Variants in SPEN observed in about 807,000 individuals in gnomAD.
The protein encoded by SPEN is msx2-interacting protein.
In SPEN, 18 loss-of-function variants were observed where a neutral mutation model predicts 269.9. The ratio of observed to expected loss-of-function variants is 0.07; its 90% CI spans 0.05 to 0.10. SPEN has a LOEUF of 0.10. SPEN is among the 10% of genes least tolerant of loss of function. The pLI is 1.00. For synonymous variants in SPEN, 1,726 were observed against 1,765.7 expected, an observed-to-expected ratio of 0.98 and a Z score of 0.56; for missense variants, 3,822 against 4,631.2, an observed-to-expected ratio of 0.83 and a Z score of 5.07.
At chr1:15,916,844 A>G (rs1557754348) in intron 6 of SPEN, among the ~76,000 whole-genome samples, 1 of 152,242 alleles carries the variant, frequency 6.6e-6, no homozygotes, top group Non-Finnish European at 1.5e-5. Flanking sequence ...ATGAAGCAGC[A>G]GGCTGAGCAT....
rs1557760229 is a variant in SPEN, at chr1:15,931,986, AAC to A, written c.5747_5748del (p.Asn1916ThrfsTer9). On this transcript the variant is annotated frameshift_variant, in exon 11 of 15. Coordinates refer to ENST00000375759, the MANE Select transcript of SPEN (RefSeq NM_015001.3). LOFTEE classifies it high-confidence loss of function. This position sits in a 1 kb window ranked among gnomAD's most constrained non-coding sequence, Gnocchi z 4.8. ...CTATGCAACCATGGGTGACCATGAA[AAC>A]CGCTCTCCTGTCAAAGAGCCCGTTG... ...SVYATMGDHE[N>X]RSPVKEPVEQ... 1 of 1,614,222 alleles carries A rather than the reference AAC, an allele frequency of 6.2e-7. No individual in the cohort carries two copies. Among genetic ancestry groups the A allele is most frequent in the Non-Finnish European group, 8.5e-7 (1 of 1,180,040 alleles).
chr1:15,894,063 G>T (rs2070815219), intron 3 of SPEN, among the ~76,000 whole-genome samples: 1 of 152,160 alleles, frequency 6.6e-6, no homozygotes, highest in South Asian at 2.1e-4. Flanking sequence ...TATGGGTTTG[G>T]TAAGGCTACA....
intron 4 of SPEN, among the ~76,000 whole-genome samples, chr1:15,909,817 AT>A (rs1055558511): frequency 2.6e-5 from 4 of 152,126 alleles, no homozygotes; most frequent in Non-Finnish European, 5.9e-5. Flanking sequence ...TATTTCAGTG[AT>A]TGCTTAAATT....
chr1:15,912,790 C>A (rs903833744), intron 5 of SPEN, among the ~76,000 whole-genome samples: 1 of 152,158 alleles, frequency 6.6e-6, no homozygotes, highest in Non-Finnish European at 1.5e-5. Context: ...CAGGTCAGAA[C>A]GGCTTGAGAA....
Position 15,936,131 on chromosome 1 carries a change from C to T in SPEN, c.9891C>T (p.His3297=), listed in dbSNP as rs763927580. 2 of 1,611,710 alleles carry T rather than the reference C, an allele frequency of 1.2e-6. No individual in the cohort carries two copies. Among genetic ancestry groups the T allele is most frequent in the Non-Finnish European group, 1.7e-6 (2 of 1,178,250 alleles). ...TGACCCATGGGGTGCAGATTGTGCA[C>T]TCCAGCGGGGAGCTGTTTCAAGAGT... ...VVVTHGVQIV[H]SSGELFQEYR... is the part of the protein sequence containing the mutation. Residue 3297 remains histidine, a synonymous_variant, in exon 11 of 15, where the codon CAC becomes CAT. Coordinates refer to ENST00000375759, the MANE Select transcript of SPEN (RefSeq NM_015001.3).
At chr1:15,888,619 C>A (rs747278195) in intron 3 of SPEN, among the ~76,000 whole-genome samples, 2 of 151,722 alleles carry the variant, frequency 1.3e-5, no homozygotes, top group Non-Finnish European at 2.9e-5. Flanking sequence ...CTACCACACC[C>A]AGCCAAAGTA....
chr1:15,871,086 A>C (rs56062384), intron 1 of SPEN, among the ~76,000 whole-genome samples: 10,387 of 152,138 alleles, frequency 0.068, 416 homozygotes, highest in African/African-American at 0.075. Context: ...CTCCTGCCTC[A>C]GCCTCCTGAG....
At chr1:15,859,901 A>G (rs1026803696) in intron 1 of SPEN, among the ~76,000 whole-genome samples, 1 of 101,512 alleles carries the variant, frequency 9.9e-6, no homozygotes, top group Non-Finnish European at 1.9e-5. Context: ...TGATCAGTTA[A>G]CATCTTTTTT....
chr1:15,871,219 C>T (rs2070569669), intron 1 of SPEN, among the ~76,000 whole-genome samples: 1 of 152,162 alleles, frequency 6.6e-6, no homozygotes, highest in Non-Finnish European at 1.5e-5. Context: ...CTGCCTGCCT[C>T]AGCCTCCCAA....
rs545244146 is a variant in SPEN at position 15,935,171 on chromosome 1, C to T, written c.8931C>T (p.Asn2977=). 1.1e-5 allele frequency: 17 copies of T among 1,614,042 alleles called. No individual in the cohort carries two copies. The Admixed American group carries it at 1.8e-4, about 17-fold the overall frequency. ...AGACCAAGGTCCTTCAGCCGGCCAA[C>T]CTGGGGTCCACGCTCACGCCCCACC... The part of the protein sequence containing the change: ...KIETKVLQPA[N]LGSTLTPHHP... The change falls in exon 11 of 15, where the codon AAC becomes AAT. Residue 2977 remains asparagine (N), a synonymous_variant. Transcript: ENST00000375759. The surrounding 1 kb of genome is among the most constrained non-coding windows in gnomAD (Gnocchi z 7.7).
rs1299645944 is a variant in SPEN, at chr1:15,929,694, T to G, written c.3454T>G (p.Ser1152Ala). The G allele has an allele frequency of 6.2e-7, 1 of 1,614,000 alleles. No homozygotes were observed. Among genetic ancestry groups the G allele is most frequent in the Admixed American group, 1.7e-5 (1 of 60,012 alleles). The change falls in exon 11 of 15, where the codon TCA (serine) becomes GCA (alanine). Residue 1152 changes from serine to alanine, a missense_variant. Around this residue, in one of 16 missense-constraint regions of SPEN, gnomAD observed 572 missense variants for 582.6 expected, o/e 0.98. Transcript: ENST00000375759. The surrounding 1 kb of genome is among the most constrained non-coding windows in gnomAD (Gnocchi z 5.8). ...ERKSGQEKSHSVNTEEKIGID... is the reference protein window; with the variant it reads ...ERKSGQEKSHAVNTEEKIGID... ...TAAATCAGGCCAAGAGAAATCACAT[T>G]CAGTAAATACTGAAGAAAAAATTGG...
chr1:15,885,195 C>T (rs1054597793), intron 3 of SPEN, among the ~76,000 whole-genome samples: 2 of 151,914 alleles, frequency 1.3e-5, no homozygotes, highest in African/African-American at 4.8e-5. Context: ...TGTTTTGTAG[C>T]TTTGTGATTC....
chr1:15,895,022 A>G (rs535451479), intron 3 of SPEN, among the ~76,000 whole-genome samples: 5 of 152,218 alleles, frequency 3.3e-5, no homozygotes, highest in Non-Finnish European at 2.9e-5. Context: ...TCCCGGGTTC[A>G]AGCAATTCTC....
chr1:15,911,081 G>A lies in SPEN; in HGVS notation c.1043-20G>A. ...ATTAAATTAGAAGAATTAATAACTT[G>A]GTTTTTTTTGGGAATTTAGATACAA... On this transcript the variant is annotated intron_variant, in intron 4 of 14. Coordinates refer to ENST00000375759, the MANE Select transcript of SPEN (RefSeq NM_015001.3). 6.4e-7 allele frequency: 1 copy of A among 1,569,526 alleles called. No homozygotes were observed. The highest frequency in any genetic ancestry group is 1.4e-5 in the African/African-American group (1 of 71,902).
intron 1 of SPEN, among the ~76,000 whole-genome samples, chr1:15,861,510 TA>T (rs2070448610): frequency 6.6e-6 from 1 of 152,170 alleles, no homozygotes. Context: ...CCCATAGTTT[TA>T]AAAAATTATT....
At chr1:15,869,669 C>T (rs1002413104) in intron 1 of SPEN, among the ~76,000 whole-genome samples, 67 of 151,652 alleles carry the variant, frequency 4.4e-4, no homozygotes, top group African/African-American at 1.6e-3. Flanking sequence ...ATGGCCATGA[C>T]TCACTCATGG....
rs1336892794 is a variant in SPEN, at chr1:15,887,857, C to T, written c.881+11179C>T. On this transcript the variant is annotated intron_variant, in intron 3 of 14. Coordinates refer to ENST00000375759, the MANE Select transcript of SPEN (RefSeq NM_015001.3). ...GCCAACATGGTGAAACCAGTCTCTA[C>T]GAAAAAAATACAAAAATTAACTGGG... Among the ~76,000 whole-genome samples the T allele has an allele frequency of 4.0e-5, 6 of 150,246 alleles. No individual in the cohort carries two copies. The South Asian group carries it at 6.4e-4, about 16-fold the overall frequency.
Position 15,935,999 on chromosome 1 carries a change from T to TGTCCCC in SPEN, c.9760_9765dup (p.Val3254_Pro3255dup). ...CCACCCCTGCCCCCGTCCCTGTCCC[T>TGTCCCC]GTCCCCCTTCCTGCCCCTGCTCCTG... is the stretch of plus-strand genomic sequence containing the variant. On this transcript the variant is annotated inframe_insertion, in exon 11 of 15. Coordinates refer to ENST00000375759, the MANE Select transcript of SPEN (RefSeq NM_015001.3). This position sits in a 1 kb window ranked among gnomAD's most constrained non-coding sequence, Gnocchi z 7.7. The TGTCCCC allele has an allele frequency of 9.6e-7, 1 of 1,044,120 alleles. No individual in the cohort carries two copies. The highest frequency in any genetic ancestry group is 1.3e-6 in the Non-Finnish European group (1 of 775,312). The allele number at this position is 1,044,120 out of a possible 1,614,324, so 64.7% of individuals were successfully genotyped here.
In SPEN at chr1:15,930,845, C is replaced by T. The variant is rs574636530; in HGVS notation, c.4605C>T (p.Ile1535=). The part of the protein sequence containing the change: ...LFASRFLHSS[I]FEQDSKRLQH... ...CTTCTCGTTTTTTACACAGCTCAAT[C>T]TTTGAACAAGATTCCAAGCGATTGC... Residue 1535 remains isoleucine (I), a synonymous_variant, in exon 11 of 15, where the codon ATC becomes ATT. Transcript: ENST00000375759. This position sits in a 1 kb window ranked among gnomAD's most constrained non-coding sequence, Gnocchi z 5.3. The T allele has an allele frequency of 6.2e-7, 1 of 1,614,134 alleles. No homozygotes were observed. Among genetic ancestry groups the T allele is most frequent in the African/African-American group, 1.3e-5 (1 of 75,054 alleles).
Sources: gnomAD v4.1 joint callset for allele counts (sites outside exome capture counted in the v4.1 genomes callset) on GRCh38, gnomAD v4.1.1 for gene constraint, gnomAD v4.1.1 regional missense constraint, Gnocchi (gnomAD v3.1) non-coding constraint, MANE v1.5 for transcripts, NCBI Gene and HGNC (gene_info 2026-07-23, HGNC 2026-07-21) for gene names.